The following PIGR variants were observed in gnomAD, a reference collection of about 807,000 sequenced individuals.
PIGR encodes polymeric immunoglobulin receptor, also known as hepatocellular carcinoma associated protein TB6.
A neutral mutation model predicts 69.5 loss-of-function variants in PIGR; 22 were observed. That is an observed-to-expected ratio of 0.32 (90% CI 0.23 to 0.45). PIGR has a LOEUF of 0.45. PIGR is among the 20% of genes least tolerant of loss of function. PIGR has a pLI of 1.00. For synonymous variants in PIGR, 413 were observed against 407.6 expected (o/e 1.01, Z -0.16); for missense variants, 885 against 974.0 (o/e 0.91, Z 1.22).
intron 1 of PIGR, among the ~76,000 whole-genome samples, chr1:206,943,738 T>C (rs1680044463): frequency 6.6e-6 from 1 of 152,216 alleles, no homozygotes; most frequent in Admixed American, 6.5e-5. Context: ...GAAGTCTGCT[T>C]GCTGGACATC....
intron 8 of PIGR, 156 bp from the exon 9 acceptor site, chr1:206,931,958 G>A (rs1679763035): frequency 2.6e-6 from 2 of 771,558 alleles, no homozygotes; most frequent in East Asian, 2.5e-5. Flanking sequence ...AATGATCCGA[G>A]TCTCCTCCCC....
At chr1:206,939,673 C>A (rs1218839185) in intron 2 of PIGR, among the ~76,000 whole-genome samples, 4 of 152,138 alleles carry the variant, frequency 2.6e-5, no homozygotes, top group African/African-American at 9.7e-5. Context: ...TTAATGATAA[C>A]CATTTCAAGG....
chr1:206,932,387 A>G, intron 8 of PIGR, 69 bp downstream of exon 8: 2 of 1,498,764 alleles, frequency 1.3e-6, no homozygotes, highest in Non-Finnish European at 1.8e-6. Context: ...AGCTTCCTCT[A>G]TGGGTGGATG....
At position 206,935,910 on chromosome 1, in the gene PIGR, G is replaced by A; in HGVS notation, c.1046-92C>T. On this transcript the variant is annotated intron_variant, in intron 4 of 10. Coordinates refer to ENST00000356495, the MANE Select transcript of PIGR (RefSeq NM_002644.4). This position sits in a 1 kb window ranked among gnomAD's most constrained non-coding sequence, Gnocchi z 4.4. The stretch of plus-strand genomic sequence containing the variant: ...AGCCTTCTTCCCGGGGTCTCAGCCA[G>A]GATGGGGAGTGAAGTTTACACGCAT... The A allele has an allele frequency of 1.1e-6, 1 of 915,498 alleles. No individual in the cohort carries two copies. Among genetic ancestry groups the A allele is most frequent in the Non-Finnish European group, 1.7e-6 (1 of 598,100 alleles). 56.7% of individuals were successfully genotyped at this position (915,498 alleles called of 1,614,324 possible). A position where few individuals can be genotyped will look rare whatever the true frequency, so the allele number is the denominator to read the frequency against.
chr1:206,935,843 T>A lies in PIGR; in HGVS notation c.1046-25A>T. On this transcript the variant is annotated intron_variant, in intron 4 of 10. Coordinates refer to ENST00000356495, the MANE Select transcript of PIGR (RefSeq NM_002644.4). This position sits in a 1 kb window ranked among gnomAD's most constrained non-coding sequence, Gnocchi z 4.4. Reference sequence around the variant, plus strand: ...TCTGGAAGCACAGACAGAGATGGGATGGGAGGATGGCCACGCAGGAAGAGC... The same window carrying A: ...TCTGGAAGCACAGACAGAGATGGGAAGGGAGGATGGCCACGCAGGAAGAGC... 6.5e-7 allele frequency: 1 copy of A among 1,549,616 alleles called. No homozygotes were observed. Among genetic ancestry groups the A allele is most frequent in the Non-Finnish European group, 8.8e-7 (1 of 1,139,546 alleles).
intron 1 of PIGR, among the ~76,000 whole-genome samples, chr1:206,941,181 G>A (rs1482454036): frequency 2.0e-5 from 3 of 152,150 alleles, no homozygotes; most frequent in Non-Finnish European, 4.4e-5. Flanking sequence ...AGCCCTGTGA[G>A]GTTAGTATCC....
chr1:206,931,679 C>A lies in PIGR; in HGVS notation c.2132G>T (p.Gly711Val), dbSNP rs757466228. 6.2e-7 allele frequency: 1 copy of A among 1,614,064 alleles called. No individual in the cohort carries two copies. Among genetic ancestry groups the A allele is most frequent in the Admixed American group, 1.7e-5 (1 of 60,008 alleles). Residue 711 changes from glycine (G) to valine (V), a missense_variant, in exon 9 of 11, where the codon GGA becomes GTA. Physicochemically the swap from Gly to Val is moderately radical, Grantham distance 109 (BLOSUM62 -3). Coordinates refer to ENST00000356495, the MANE Select transcript of PIGR (RefSeq NM_002644.4). ...SSITQETSLG[G>V]KEEFVATTES... Reference sequence around the variant, plus strand: ...TTGAGTGAGGGTCATACCTTCTTTTCCTCCGAGGGATGTCTCCTGAGTGAT... The same window carrying A: ...TTGAGTGAGGGTCATACCTTCTTTTACTCCGAGGGATGTCTCCTGAGTGAT...
At chr1:206,932,726 C>A (rs1262157565) in intron 7 of PIGR, 149 bp from the exon 8 acceptor site, 1 of 1,056,604 alleles carries the variant, frequency 9.5e-7, no homozygotes, top group African/African-American at 1.6e-5. Flanking sequence ...TTCTAAGAAG[C>A]CTTCCCAGAC....
At chr1:206,938,375 C>T (rs1040541553) in intron 3 of PIGR, among the ~76,000 whole-genome samples, 2 of 152,172 alleles carry the variant, frequency 1.3e-5, no homozygotes, top group East Asian at 1.9e-4. Flanking sequence ...GAATCTTGAT[C>T]CCCACCTAAA....
chr1:206,944,609 G>A (rs1572650063), intron 1 of PIGR, among the ~76,000 whole-genome samples: 2 of 152,262 alleles, frequency 1.3e-5, no homozygotes, highest in South Asian at 4.2e-4. Context: ...ATAACCATGG[G>A]TATAACCAGG....
Position 206,935,615 on chromosome 1 carries a change from C to G in PIGR, c.1249G>C (p.Glu417Gln). The G allele has an allele frequency of 6.2e-7, 1 of 1,614,206 alleles. No individual in the cohort carries two copies. Among genetic ancestry groups the G allele is most frequent in the Non-Finnish European group, 8.5e-7 (1 of 1,180,022 alleles). Residue 417 changes from glutamate (E) to glutamine (Q), a missense_variant, in exon 5 of 11, where the codon GAG (glutamate) becomes CAG (glutamine). By Grantham distance (29) the Glu-to-Gln change is conservative. Transcript: ENST00000356495. This position sits in a 1 kb window ranked among gnomAD's most constrained non-coding sequence, Gnocchi z 4.4. ...GTGAAGGTGCCGTTGCCTGGCTCCTCCAGCAGGGAGAGGCGGCCCTCGTAC... is the reference window on the plus strand; with the variant it reads ...GTGAAGGTGCCGTTGCCTGGCTCCTGCAGCAGGGAGAGGCGGCCCTCGTAC... Reference protein sequence around the residue: ...AQYEGRLSLLEEPGNGTFTVI... With the variant: ...AQYEGRLSLLQEPGNGTFTVI...
rs866327944 is a variant in PIGR, at chr1:206,946,172, G to A, written c.-54+164C>T. ...CTACTCGTCCCACTGCGATATGCAC[G>A]CTTACTCCCCAGCCACACACAGTCA... On this transcript the variant is annotated intron_variant, in intron 1 of 10. Transcript: ENST00000356495. 2.6e-5 allele frequency among the ~76,000 whole-genome samples: 4 copies of A among 152,272 alleles called. No homozygotes were observed. In the South Asian group the frequency reaches 8.3e-4, roughly 32 times the overall value.
At chr1:206,943,528 C>G (rs563784433) in intron 1 of PIGR, among the ~76,000 whole-genome samples, 1 of 152,316 alleles carries the variant, frequency 6.6e-6, no homozygotes, top group East Asian at 1.9e-4. Context: ...TATGTCCCCA[C>G]AATTGTGGAT....
chr1:206,939,766 G>A (rs1053142834), intron 2 of PIGR, among the ~76,000 whole-genome samples: 3 of 151,944 alleles, frequency 2.0e-5, no homozygotes, highest in Non-Finnish European at 2.9e-5. Flanking sequence ...TCTCTCTGTC[G>A]CCCAGGCTGG....
rs1679876992 is a variant in PIGR at position 206,937,081 on chromosome 1, C to T, written c.1045+14G>A. On this transcript the variant is annotated intron_variant, in intron 4 of 10. Coordinates refer to ENST00000356495, the MANE Select transcript of PIGR (RefSeq NM_002644.4). ...ACTGCCCCACCTACTCCCCCTCCCT[C>T]TCTAGGGTCTTACCCTCATTGACGA... 6.4e-7 allele frequency: 1 copy of T among 1,562,918 alleles called. No homozygotes were observed. Among genetic ancestry groups the T allele is most frequent in the South Asian group, 1.2e-5 (1 of 81,888 alleles).
In PIGR at chr1:206,930,556, C is replaced by T; in HGVS notation, c.2200-143G>A. ...TTGGGGCCCACTGTTCTCATCCCAG[C>T]CCCCATGCTCACCAAGAAGGACGCA... is the stretch of plus-strand genomic sequence containing the variant. On this transcript the variant is annotated intron_variant, in intron 10 of 10. Coordinates refer to ENST00000356495, the MANE Select transcript of PIGR (RefSeq NM_002644.4). This position sits in a 1 kb window ranked among gnomAD's most constrained non-coding sequence, Gnocchi z 4.3. 1 of 1,326,974 alleles carries T rather than the reference C, an allele frequency of 7.5e-7. No homozygotes were observed. The highest frequency in any genetic ancestry group is 9.6e-7 in the Non-Finnish European group (1 of 1,036,734). 82.2% of individuals were successfully genotyped at this position (1,326,974 alleles called of 1,614,324 possible). A position where few individuals can be genotyped will look rare whatever the true frequency, so the allele number is the denominator to read the frequency against.
At chr1:206,933,190 G>A in intron 6 of PIGR, 24 bp from the exon 7 acceptor site, 1 of 1,610,936 alleles carries the variant, frequency 6.2e-7, no homozygotes, top group African/African-American at 1.3e-5. Flanking sequence ...GAGTGGGCCT[G>A]GGTTGTGATT....
Position 206,940,557 on chromosome 1 carries a change from C to A in PIGR, c.-26G>T. 6.5e-7 allele frequency: 1 copy of A among 1,547,534 alleles called. No individual in the cohort carries two copies. The highest frequency in any genetic ancestry group is 8.7e-7 in the Non-Finnish European group (1 of 1,145,240). On this transcript the variant is annotated 5_prime_UTR_variant, in exon 2 of 11. Coordinates refer to ENST00000356495, the MANE Select transcript of PIGR (RefSeq NM_002644.4). ...TGCTGGTGGGTCCCGAGCGCCGCACCACTCAGGCCGACTTCTCCTGTGCAA... is the reference window on the plus strand; with the variant it reads ...TGCTGGTGGGTCCCGAGCGCCGCACAACTCAGGCCGACTTCTCCTGTGCAA...
At position 206,930,540 on chromosome 1, in the gene PIGR, A is replaced by T; in HGVS notation, c.2200-127T>A. On this transcript the variant is annotated intron_variant, in intron 10 of 10. Transcript: ENST00000356495. The surrounding 1 kb of genome is among the most constrained non-coding windows in gnomAD (Gnocchi z 4.3). Reference sequence around the variant, plus strand: ...CAAGCAACACAAGCCTTTGGGGCCCACTGTTCTCATCCCAGCCCCCATGCT... The same window carrying T: ...CAAGCAACACAAGCCTTTGGGGCCCTCTGTTCTCATCCCAGCCCCCATGCT... 7.3e-7 allele frequency: 1 copy of T among 1,371,584 alleles called. No homozygotes were observed. Among genetic ancestry groups the T allele is most frequent in the Non-Finnish European group, 9.4e-7 (1 of 1,059,320 alleles). 85.0% of individuals were successfully genotyped at this position (1,371,584 alleles called of 1,614,324 possible). A position where few individuals can be genotyped will look rare whatever the true frequency, so the allele number is the denominator to read the frequency against.
Sources: gnomAD v4.1 joint callset for allele counts (sites outside exome capture counted in the v4.1 genomes callset) on GRCh38, gnomAD v4.1.1 for gene constraint, Gnocchi (gnomAD v3.1) non-coding constraint, MANE v1.5 for transcripts, NCBI Gene and HGNC (gene_info 2026-07-23, HGNC 2026-07-21) for gene names.